Variants in INPP4B observed in about 807,000 individuals in gnomAD.
INPP4B encodes the protein inositol polyphosphate 4-phosphatase type II.
Under a neutral mutation model 122.5 loss-of-function variants are expected in INPP4B, and 55 were observed. That is an observed-to-expected ratio of 0.45 (90% CI 0.36 to 0.56). The LOEUF (loss-of-function observed/expected upper bound fraction) is 0.56, where lower values mean the gene tolerates loss of function less well. INPP4B is among the 20% of genes least tolerant of loss of function. INPP4B has a pLI of 0.00. For missense variants in INPP4B, 1,000 were observed against 1,097.7 expected, an observed-to-expected ratio of 0.91 and a Z score of 1.26; for synonymous variants, 403 against 388.7, an observed-to-expected ratio of 1.04 and a Z score of -0.43.
intron 7 of INPP4B, among the ~76,000 whole-genome samples, chr4:142,328,202 T>G (rs1351339157): frequency 3.9e-5 from 6 of 152,048 alleles, no homozygotes; most frequent in Admixed American, 3.9e-4. Context: ...AATAAGGAAA[T>G]GTACAGCGTT....
intron 2 of INPP4B, among the ~76,000 whole-genome samples, chr4:142,659,053 A>C (rs1228830619): frequency 6.6e-6 from 1 of 152,182 alleles, no homozygotes; most frequent in Non-Finnish European, 1.5e-5. Flanking sequence ...GCCAAGTTTA[A>C]GACTAAATTC....
intron 2 of INPP4B, among the ~76,000 whole-genome samples, chr4:142,550,106 A>C (rs1301829017): frequency 6.6e-6 from 1 of 152,164 alleles, no homozygotes; most frequent in Non-Finnish European, 1.5e-5. Flanking sequence ...CTAGGGTGCC[A>C]CAACAACAAG....
intron 1 of INPP4B, among the ~76,000 whole-genome samples, chr4:142,816,939 T>C (rs1221820304): frequency 6.6e-6 from 1 of 152,216 alleles, no homozygotes; most frequent in Non-Finnish European, 1.5e-5. Context: ...ACTTTATGTC[T>C]ACCTGGACCT....
intron 2 of INPP4B, among the ~76,000 whole-genome samples, chr4:142,586,796 T>C (rs1307233020): frequency 6.6e-6 from 1 of 152,110 alleles, no homozygotes; most frequent in Non-Finnish European, 1.5e-5. Context: ...AAGGAAGACT[T>C]CTGAGGAGTG....
chr4:142,206,487 T>C (rs1359719097), intron 14 of INPP4B, among the ~76,000 whole-genome samples: 2 of 151,922 alleles, frequency 1.3e-5, no homozygotes, highest in East Asian at 1.9e-4. Flanking sequence ...ACATTTAAAC[T>C]TGCAAATCAG....
chr4:142,739,737 G>T (rs963044227), intron 1 of INPP4B, among the ~76,000 whole-genome samples: 3 of 151,814 alleles, frequency 2.0e-5, no homozygotes, highest in African/African-American at 7.3e-5. Flanking sequence ...TAGGTCATTG[G>T]ATTAAAAGCA....
chr4:142,029,261 A>T, intron 25 of INPP4B: 5 of 999,034 alleles, frequency 5.0e-6, no homozygotes, highest in Non-Finnish European at 6.0e-6. Flanking sequence ...CAGTCTCTTT[A>T]AAACACATTA....
intron 2 of INPP4B, among the ~76,000 whole-genome samples, chr4:142,622,249 T>C (rs1256924003): frequency 6.6e-6 from 1 of 151,798 alleles, no homozygotes; most frequent in East Asian, 1.9e-4. Context: ...ACACTGATAC[T>C]TTTCATCACA....
intron 1 of INPP4B, among the ~76,000 whole-genome samples, chr4:142,831,070 TG>T (rs1782078539): frequency 1.3e-5 from 2 of 151,090 alleles, no homozygotes; most frequent in South Asian, 4.2e-4. Context: ...GATTGGGTGG[TG>T]GGTTATTAAA....
At chr4:142,081,277 C>G (rs1281440790) in intron 25 of INPP4B, among the ~76,000 whole-genome samples, 3 of 152,292 alleles carry the variant, frequency 2.0e-5, no homozygotes, top group Admixed American at 1.3e-4. Flanking sequence ...TGCTTCTGAG[C>G]TAGGCTTTGC....
chr4:142,815,544 T>C (rs931115983), intron 1 of INPP4B, among the ~76,000 whole-genome samples: 2 of 152,232 alleles, frequency 1.3e-5, no homozygotes, highest in African/African-American at 2.4e-5. Flanking sequence ...AAAAAACAAT[T>C]ACCTTCATGC....
At chr4:142,633,316 A>C (rs1748394123) in intron 2 of INPP4B, among the ~76,000 whole-genome samples, 1 of 152,144 alleles carries the variant, frequency 6.6e-6, no homozygotes, top group South Asian at 2.1e-4. Flanking sequence ...ACAGCCTTCT[A>C]ACTATAAAAA....
chr4:142,436,295 C>T (rs986606187), intron 3 of INPP4B, among the ~76,000 whole-genome samples: 1 of 152,194 alleles, frequency 6.6e-6, no homozygotes, highest in African/African-American at 2.4e-5. Flanking sequence ...TGGCAATAGT[C>T]TCTGTGAACC....
intron 16 of INPP4B, among the ~76,000 whole-genome samples, chr4:142,166,333 C>T (rs1822687180): frequency 6.6e-6 from 1 of 151,650 alleles, no homozygotes; most frequent in East Asian, 1.9e-4. Flanking sequence ...CTCTGGCTAG[C>T]CATATGCAGA....
At chr4:142,531,538 A>G (rs899472733) in intron 2 of INPP4B, among the ~76,000 whole-genome samples, 3 of 152,184 alleles carry the variant, frequency 2.0e-5, no homozygotes, top group African/African-American at 7.2e-5. Context: ...TGTGTCGTCT[A>G]TGAGAAATAA....
intron 9 of INPP4B, among the ~76,000 whole-genome samples, chr4:142,302,388 T>G (rs1248791626): frequency 6.6e-6 from 1 of 152,148 alleles, no homozygotes; most frequent in Non-Finnish European, 1.5e-5. Context: ...TTTCAACTAG[T>G]TCTCTGTTTT....
chr4:142,363,470 T>G (rs6857918), intron 7 of INPP4B, among the ~76,000 whole-genome samples: 1,677 of 152,080 alleles, frequency 0.011, 41 homozygotes, highest in African/African-American at 0.038. Flanking sequence ...TTCCTTAATG[T>G]GTTAGGCCTT....
intron 2 of INPP4B, among the ~76,000 whole-genome samples, chr4:142,716,629 C>A: frequency 6.6e-6 from 1 of 152,180 alleles, no homozygotes; most frequent in Middle Eastern, 3.2e-3. Context: ...CCAATCCTTG[C>A]AGAATCACTG....
At position 142,483,182 on chromosome 4, in the gene INPP4B, C is replaced by CTTTTTTTT. The variant is rs5862604; in HGVS notation, c.-190-20464_-190-20457dup. 4.0e-3 allele frequency among the ~76,000 whole-genome samples: 194 copies of CTTTTTTTT among 48,332 alleles called. 38 individuals carry two copies. The highest frequency in any genetic ancestry group is 0.018 in the African/African-American group (184 of 10,090). 31.7% of individuals were successfully genotyped at this position (48,332 alleles called of 152,430 possible). A position where few individuals can be genotyped will look rare whatever the true frequency, so the allele number is the denominator to read the frequency against. ...TAATAATGACTGGAGTCAGGCTATG[C>CTTTTTTTT]TTTTTTTTTTTTTTTTTTTTTTTTT... On this transcript the variant is annotated intron_variant, in intron 2 of 25. Transcript: ENST00000262992.
Sources: allele counts gnomAD v4.1 joint callset (sites outside exome capture counted in the v4.1 genomes callset), GRCh38; gene constraint gnomAD v4.1.1; transcripts MANE v1.5; gene names NCBI Gene and HGNC (gene_info 2026-07-23, HGNC 2026-07-21).